The following HHIPL2 variants were observed in gnomAD, a reference collection of about 807,000 sequenced individuals.
HHIPL2 encodes the protein HHIP-like protein 2.
In HHIPL2, 61 loss-of-function variants were observed where a neutral mutation model predicts 61.0. The ratio of observed to expected loss-of-function variants is 1.00; its 90% CI spans 0.81 to 1.24. The LOEUF (loss-of-function observed/expected upper bound fraction) is 1.24. Ranked by LOEUF, HHIPL2 falls within the 50% of genes most tolerant of loss-of-function variation. The pLI is 0.00. For missense variants in HHIPL2, 885 were observed against 910.2 expected (o/e 0.97, Z 0.36); for synonymous variants, 343 against 357.4 (o/e 0.96, Z 0.45).
Position 222,538,629 on chromosome 1 carries a change from G to A in HHIPL2, c.1577+19C>T. The A allele has an allele frequency of 1.2e-6, 2 of 1,606,444 alleles. No individual in the cohort carries two copies. The highest frequency in any genetic ancestry group is 1.7e-4 in the Middle Eastern group (1 of 6,000). On this transcript the variant is annotated intron_variant, in intron 5 of 8. Transcript: ENST00000343410. ...TATTAAAATAAAAAGAGGGAGAAGG[G>A]ACATCAGTCCTTCCTTACCCACTCA...
intron 7 of HHIPL2, among the ~76,000 whole-genome samples, chr1:222,526,579 C>T (rs1413836547): frequency 6.6e-6 from 1 of 151,902 alleles, no homozygotes; most frequent in Non-Finnish European, 1.5e-5. Context: ...GTGGTGCATG[C>T]CTGTAATCTC....
intron 5 of HHIPL2, among the ~76,000 whole-genome samples, chr1:222,538,249 T>TGTGC (rs1659347660): frequency 7.0e-6 from 1 of 142,612 alleles, no homozygotes; most frequent in Non-Finnish European, 1.5e-5. Flanking sequence ...TGTGTGTGTG[T>TGTGC]ATGTATGTCA....
intron 6 of HHIPL2, among the ~76,000 whole-genome samples, chr1:222,527,590 AC>A (rs1659097218): frequency 6.6e-6 from 1 of 151,780 alleles, no homozygotes; most frequent in Non-Finnish European, 1.5e-5. Flanking sequence ...TCCATGCCCC[AC>A]AAAAATCACC....
chr1:222,535,173 G>T (rs187799713), intron 5 of HHIPL2, among the ~76,000 whole-genome samples: 1 of 152,112 alleles, frequency 6.6e-6, no homozygotes, highest in African/African-American at 2.4e-5. Flanking sequence ...AAATAGTGGC[G>T]CAGCCTCTAA....
chr1:222,539,885 C>T, intron 4 of HHIPL2, 125 bp downstream of exon 4: 1 of 778,256 alleles, frequency 1.3e-6, no homozygotes, highest in Non-Finnish European at 2.1e-6. Context: ...AGCACTACAC[C>T]ACAGGACACA....
chr1:222,545,541 C>T (rs1042999329), intron 1 of HHIPL2, among the ~76,000 whole-genome samples: 1 of 151,932 alleles, frequency 6.6e-6, no homozygotes, highest in Admixed American at 6.6e-5. Flanking sequence ...TGTCCACTCT[C>T]GGAGACTGGG....
chr1:222,523,225 C>T (rs988326250), intron 8 of HHIPL2, among the ~76,000 whole-genome samples: 7 of 152,126 alleles, frequency 4.6e-5, no homozygotes, highest in East Asian at 3.9e-4. Flanking sequence ...TCTTTATTTG[C>T]CTGCACTTCC....
Position 222,540,118 on chromosome 1 carries a change from T to C in HHIPL2, c.1342A>G (p.Asn448Asp), listed in dbSNP as rs1253834945. Residue 448 changes from asparagine (N) to aspartate (D), a missense_variant, in exon 4 of 9, where the codon AAC becomes GAC. Coordinates refer to ENST00000343410, the MANE Select transcript of HHIPL2 (RefSeq NM_024746.4). ...ATGAGGTCAACCTCTTCAAACCTGT[T>C]CTGGCCCACGTCCCCACAGAATATC... ...GRIFCGDVGQ[N>D]RFEEVDLILK... The C allele has an allele frequency of 3.1e-6, 5 of 1,614,150 alleles. No individual in the cohort carries two copies. The highest frequency in any genetic ancestry group is 4.2e-6 in the Non-Finnish European group (5 of 1,180,066).
chr1:222,543,180 A>C (rs1181550926), intron 2 of HHIPL2, among the ~76,000 whole-genome samples: 1 of 152,214 alleles, frequency 6.6e-6, no homozygotes, highest in Non-Finnish European at 1.5e-5. Flanking sequence ...CCACATTCAA[A>C]GTAAAGGCCC....
rs767728663 is a variant in HHIPL2, at chr1:222,540,128, G to T, written c.1332C>A (p.Asp444Glu). 6.2e-7 allele frequency: 1 copy of T among 1,614,202 alleles called. No individual in the cohort carries two copies. The highest frequency in any genetic ancestry group is 1.7e-5 in the Admixed American group (1 of 60,028). Reference protein sequence around the residue: ...RQGRGRIFCGDVGQNRFEEVD... With the variant: ...RQGRGRIFCGEVGQNRFEEVD... ...CCTCTTCAAACCTGTTCTGGCCCAC[G>T]TCCCCACAGAATATCCGGCCTCGGC... Residue 444 changes from aspartate to glutamate, a missense_variant, in exon 4 of 9, where the codon GAC (aspartate) becomes GAA (glutamate). By Grantham distance (45) the Asp-to-Glu change is conservative. Transcript: ENST00000343410.
chr1:222,529,350 C>T (rs780746014), intron 6 of HHIPL2, among the ~76,000 whole-genome samples: 5 of 152,194 alleles, frequency 3.3e-5, no homozygotes, highest in Non-Finnish European at 7.3e-5. Flanking sequence ...AGCCCAGGCA[C>T]CATCCAGAGT....
At chr1:222,536,661 A>G (rs1252295809) in intron 5 of HHIPL2, among the ~76,000 whole-genome samples, 1 of 152,200 alleles carries the variant, frequency 6.6e-6, no homozygotes, top group Non-Finnish European at 1.5e-5. Flanking sequence ...TCTGACAAAT[A>G]TATTACAAGA....
intron 5 of HHIPL2, among the ~76,000 whole-genome samples, chr1:222,537,580 C>G (rs1312699321): frequency 6.7e-6 from 1 of 148,552 alleles, no homozygotes; most frequent in African/African-American, 2.5e-5. Flanking sequence ...TGCAGTGAGC[C>G]GAGATCGCAC....
chr1:222,535,249 A>G (rs1659278157), intron 5 of HHIPL2, among the ~76,000 whole-genome samples: 1 of 152,214 alleles, frequency 6.6e-6, no homozygotes, highest in Non-Finnish European at 1.5e-5. Flanking sequence ...TTCAAAAATG[A>G]AGGCAAAATA....
At chr1:222,530,393 T>A (rs1659162364) in intron 6 of HHIPL2, among the ~76,000 whole-genome samples, 1 of 152,178 alleles carries the variant, frequency 6.6e-6, no homozygotes, top group Admixed American at 6.5e-5. Context: ...AGCTTTCACG[T>A]CACTCACTTT....
At chr1:222,542,231 T>C in intron 2 of HHIPL2, 76 bp from the exon 3 acceptor site, 1 of 1,536,400 alleles carries the variant, frequency 6.5e-7, no homozygotes, top group Non-Finnish European at 8.7e-7. Flanking sequence ...TACCCAGAAA[T>C]GACTGGGCCA....
rs1233143032 is a variant in HHIPL2, at chr1:222,540,195, C to CA, written c.1264dup (p.Trp422LeufsTer30). The CA allele has an allele frequency of 6.2e-7, 1 of 1,614,258 alleles. No individual in the cohort carries two copies. Among genetic ancestry groups the CA allele is most frequent in the East Asian group, 2.2e-5 (1 of 44,886 alleles). On this transcript the variant is annotated frameshift_variant, in exon 4 of 9. Coordinates refer to ENST00000343410, the MANE Select transcript of HHIPL2 (RefSeq NM_024746.4). LOFTEE classifies it high-confidence loss of function. ...GTCCCCTCGGTCCACAGCACAACGCCACATGTTCCTGATCCCATAGGCATA... is the reference window on the plus strand; with the variant it reads ...GTCCCCTCGGTCCACAGCACAACGCCAACATGTTCCTGATCCCATAGGCATA...
rs540726520 is a variant in HHIPL2, at chr1:222,541,332, C to T, written c.1118+680G>A. Among the ~76,000 whole-genome samples the T allele has an allele frequency of 1.5e-3, 222 of 152,214 alleles. 2 individuals carry two copies. Among genetic ancestry groups the T allele is most frequent in the Non-Finnish European group, 2.5e-3 (168 of 68,006 alleles). On this transcript the variant is annotated intron_variant, in intron 3 of 8. Coordinates refer to ENST00000343410, the MANE Select transcript of HHIPL2 (RefSeq NM_024746.4). The stretch of plus-strand genomic sequence containing the variant: ...AGACAGCATCACTGGGCTCTGGCAC[C>T]GTATTGTGTGGGTTGGGATTCTGTT...
rs375242147 is a variant in HHIPL2, at chr1:222,538,743, A to G, written c.1482T>C (p.His494=). The G allele has an allele frequency of 9.3e-6, 15 of 1,614,024 alleles. No homozygotes were observed. The African/African-American group carries it at 1.9e-4, about 20-fold the overall frequency. The part of the protein sequence containing the change: ...DDVLPIYAYG[H]AVGKSVTGGY... ...CTCCAGTGACTGACTTCCCCACTGC[A>G]TGGCCATAAGCATAGATTGGCAGAA... Residue 494 remains histidine, a synonymous_variant, in exon 5 of 9, where the codon CAT becomes CAC. Transcript: ENST00000343410.
Sources: allele counts gnomAD v4.1 joint callset (sites outside exome capture counted in the v4.1 genomes callset), GRCh38; gene constraint gnomAD v4.1.1; transcripts MANE v1.5; gene names NCBI Gene and HGNC (gene_info 2026-07-23, HGNC 2026-07-21).